RGP1: variants seen among roughly 807,000 people sequenced by gnomAD.
RGP1 encodes the protein RAB6A-GEF complex partner protein 2.
RGP1 carries 28 observed loss-of-function variants against 44.5 expected under a neutral mutation model. The ratio of observed to expected loss-of-function variants is 0.63; its 90% CI spans 0.47 to 0.86. The LOEUF (loss-of-function observed/expected upper bound fraction) is 0.86. Among genes scored for constraint, RGP1 ranks in the 40% least tolerant of loss-of-function variants. The pLI is 0.00. For synonymous variants in RGP1, 212 were observed against 196.7 expected (o/e 1.08, Z -0.65); for missense variants, 417 against 490.7 (o/e 0.85, Z 1.42).
chr9:35,763,718 CT>C, the RGP1 span, among the ~76,000 whole-genome samples: 1 of 151,858 alleles, frequency 6.6e-6, no homozygotes, highest in Non-Finnish European at 1.5e-5. Flanking sequence ...CCTGTCTCTA[CT>C]AAAAATACAA....
At chr9:35,750,466 T>C in intron 3 of RGP1, 87 bp downstream of exon 3, 1 of 1,482,022 alleles carries the variant, frequency 6.7e-7, no homozygotes, top group South Asian at 1.2e-5. Context: ...TTGTTAATTG[T>C]TCTTGTTCTT....
rs376886636 is a variant in RGP1 at position 35,752,083 on chromosome 9, C to T, written c.890C>T (p.Thr297Ile). Residue 297 changes from threonine (T) to isoleucine (I), a missense_variant, in exon 8 of 9, where the codon ACT becomes ATT. Coordinates refer to ENST00000378078, the MANE Select transcript of RGP1 (RefSeq NM_001080496.3). The stretch of plus-strand genomic sequence containing the variant: ...CACCAGGAATCCTGCCTACATACAA[C>T]TAGAACCAGCTTCTCCCTCCCAATC... ...ARHQESCLHT[T>I]RTSFSLPIPL... 9 of 1,606,456 alleles carry T rather than the reference C, an allele frequency of 5.6e-6. No homozygotes were observed. The highest frequency in any genetic ancestry group is 7.7e-6 in the Non-Finnish European group (9 of 1,175,962).
Position 35,753,833 on chromosome 9 carries a change from T to C in RGP1, c.*959T>C. The stretch of plus-strand genomic sequence containing the variant: ...TGATGAGAGGCAGAGGCTCTTCTGG[T>C]CTGGGGTGGAGACAGTAAGTACGCA... On this transcript the variant is annotated 3_prime_UTR_variant, in exon 9 of 9. Transcript: ENST00000378078. This position sits in a 1 kb window ranked among gnomAD's most constrained non-coding sequence, Gnocchi z 4.2. 6.5e-7 allele frequency: 1 copy of C among 1,545,332 alleles called. No homozygotes were observed. The highest frequency in any genetic ancestry group is 8.9e-7 in the Non-Finnish European group (1 of 1,121,196).
chr9:35,756,576 A>C lies in RGP1; in HGVS notation c.*3702A>C, dbSNP rs565256710. On this transcript the variant is annotated 3_prime_UTR_variant, in exon 9 of 9. Transcript: ENST00000378078. ...CTGCTCTCTGGGCTGGAGCAGGTGG[A>C]TTCGAAGGCCTGTCTAGCACGAGGG... 1 of 152,440 alleles carries C rather than the reference A, an allele frequency of 6.6e-6. No homozygotes were observed. Among genetic ancestry groups the C allele is most frequent in the East Asian group, 1.9e-4 (1 of 5,184 alleles). 9.4% of individuals were successfully genotyped at this position (152,440 alleles called of 1,614,324 possible). A position where few individuals can be genotyped will look rare whatever the true frequency, so the allele number is the denominator to read the frequency against.
chr9:35,785,695 C>T, the RGP1 span, among the ~76,000 whole-genome samples: 26 of 152,280 alleles, frequency 1.7e-4, no homozygotes, highest in Admixed American at 4.6e-4. Flanking sequence ...GGGTCAGCAT[C>T]CACTTTAGAT....
the RGP1 span, chr9:35,786,718 A>G: frequency 6.6e-5 from 10 of 152,214 alleles, no homozygotes; most frequent in Non-Finnish European, 1.5e-4. Context: ...CACAAAGCTG[A>G]TATTTCTGGC....
In RGP1 at chr9:35,753,423, C is replaced by G. The variant is rs1330607338; in HGVS notation, c.*549C>G. 1 of 918,602 alleles carries G rather than the reference C, an allele frequency of 1.1e-6. No homozygotes were observed. The highest frequency in any genetic ancestry group is 1.7e-5 in the African/African-American group (1 of 59,498). 56.9% of individuals were successfully genotyped at this position (918,602 alleles called of 1,614,324 possible). A position where few individuals can be genotyped will look rare whatever the true frequency, so the allele number is the denominator to read the frequency against. On this transcript the variant is annotated 3_prime_UTR_variant, in exon 9 of 9. Transcript: ENST00000378078. This position sits in a 1 kb window ranked among gnomAD's most constrained non-coding sequence, Gnocchi z 4.2. The stretch of plus-strand genomic sequence containing the variant: ...GTCCTCCTAACTAAGCTGTCACCTA[C>G]CATATGTGGGCCTTTTTGTTTTATA...
the RGP1 span, among the ~76,000 whole-genome samples, chr9:35,784,357 A>AT: frequency 5.9e-5 from 9 of 151,982 alleles, no homozygotes; most frequent in Non-Finnish European, 1.3e-4. Flanking sequence ...TTTTTCCTGA[A>AT]TTTTTTTCTA....
Position 35,753,423 on chromosome 9 carries a change from C to T in RGP1, c.*549C>T. The T allele has an allele frequency of 1.1e-6, 1 of 918,720 alleles. No individual in the cohort carries two copies. Among genetic ancestry groups the T allele is most frequent in the East Asian group, 2.6e-5 (1 of 37,914 alleles). 56.9% of individuals were successfully genotyped at this position (918,720 alleles called of 1,614,324 possible). A position where few individuals can be genotyped will look rare whatever the true frequency, so the allele number is the denominator to read the frequency against. On this transcript the variant is annotated 3_prime_UTR_variant, in exon 9 of 9. Transcript: ENST00000378078. This position sits in a 1 kb window ranked among gnomAD's most constrained non-coding sequence, Gnocchi z 4.2. ...GTCCTCCTAACTAAGCTGTCACCTA[C>T]CATATGTGGGCCTTTTTGTTTTATA...
chr9:35,754,732 G>A lies in RGP1; in HGVS notation c.*1858G>A, dbSNP rs1313046752. On this transcript the variant is annotated 3_prime_UTR_variant, in exon 9 of 9. Coordinates refer to ENST00000378078, the MANE Select transcript of RGP1 (RefSeq NM_001080496.3). Reference sequence around the variant, plus strand: ...CTCCAGGAGAGTGAGCAGGCACCTGGAGTGGAGACTGTGTTTCCCTCAGAT... The same window carrying A: ...CTCCAGGAGAGTGAGCAGGCACCTGAAGTGGAGACTGTGTTTCCCTCAGAT... The A allele has an allele frequency of 6.6e-6, 1 of 152,314 alleles. No individual in the cohort carries two copies. The highest frequency in any genetic ancestry group is 2.4e-5 in the African/African-American group (1 of 41,442). The allele number at this position is 152,314 out of a possible 1,614,324, so 9.4% of individuals were successfully genotyped here.
the RGP1 span, among the ~76,000 whole-genome samples, chr9:35,784,685 G>A: frequency 6.6e-6 from 1 of 152,148 alleles, no homozygotes; most frequent in South Asian, 2.1e-4. Flanking sequence ...GGCCAAGCTG[G>A]TCTTGAACTC....
Position 35,754,125 on chromosome 9 carries a change from G to A in RGP1, c.*1251G>A, listed in dbSNP as rs192269938. ...CTGTCCAGCCCAGAGCATCCTTAGG[G>A]CCATTGCTGCTGCACAGCCCTCTCA... On this transcript the variant is annotated 3_prime_UTR_variant, in exon 9 of 9. Transcript: ENST00000378078. 168 of 1,612,436 alleles carry A rather than the reference G, an allele frequency of 1.0e-4. No homozygotes were observed. Among genetic ancestry groups the A allele is most frequent in the Non-Finnish European group, 1.3e-4 (151 of 1,179,066 alleles).
chr9:35,780,610 C>A, the RGP1 span: 1 of 152,270 alleles, frequency 6.6e-6, no homozygotes, highest in African/African-American at 2.4e-5. Flanking sequence ...GTGGCTCACA[C>A]CTGTGATCCC....
At chr9:35,790,196 G>C in the RGP1 span, 2 of 152,976 alleles carry the variant, frequency 1.3e-5, no homozygotes, top group Admixed American at 1.3e-4. Context: ...TGGGAGCCTG[G>C]AACTAGAGTT....
intron 3 of RGP1, 31 bp downstream of exon 3, chr9:35,750,410 G>T (rs1338228851): frequency 2.0e-5 from 33 of 1,611,194 alleles, no homozygotes; most frequent in South Asian, 5.5e-5. Context: ...TGGGAGAGGG[G>T]GGGTGCGGAG....
At chr9:35,783,011 G>C in the RGP1 span, among the ~76,000 whole-genome samples, 1 of 151,406 alleles carries the variant, frequency 6.6e-6, no homozygotes, top group African/African-American at 2.4e-5. Context: ...ATTTCTCCAT[G>C]TTGGTCGGGC....
In RGP1 at chr9:35,751,417, G is replaced by A. The variant is rs1242415709; in HGVS notation, c.634+5G>A. 2.5e-6 allele frequency: 4 copies of A among 1,613,930 alleles called. No homozygotes were observed. In the South Asian group the frequency reaches 4.4e-5, roughly 18 times the overall value. On this transcript the variant is annotated splice_donor_5th_base_variant and intron_variant, in intron 6 of 8. Transcript: ENST00000378078. ...CCACATCCTGCCGCAGCCTCCGTGA[G>A]AATTCTTTCAGAATTGTCCTACCCC...
the RGP1 span, among the ~76,000 whole-genome samples, chr9:35,763,796 C>T: frequency 1.4e-5 from 2 of 142,234 alleles, no homozygotes; most frequent in Non-Finnish European, 1.5e-5. Context: ...GCAGGAGAAT[C>T]GCTTGAACCT....
the RGP1 span, among the ~76,000 whole-genome samples, chr9:35,781,517 T>G: frequency 6.6e-6 from 1 of 152,062 alleles, no homozygotes; most frequent in Non-Finnish European, 1.5e-5. Context: ...AGGCCGCAGA[T>G]GTTAGACTCT....
Sources: gnomAD v4.1 joint callset for allele counts (sites outside exome capture counted in the v4.1 genomes callset) on GRCh38, gnomAD v4.1.1 for gene constraint, Gnocchi (gnomAD v3.1) non-coding constraint, MANE v1.5 for transcripts, NCBI Gene and HGNC (gene_info 2026-07-23, HGNC 2026-07-21) for gene names.